TMED10: variants seen among roughly 807,000 people sequenced by gnomAD.
TMED10 encodes transmembrane emp24 domain-containing protein 10.
A neutral mutation model predicts 23.1 loss-of-function variants in TMED10; 7 were observed. That is an observed-to-expected ratio of 0.30 (90% CI 0.17 to 0.57). TMED10 has a LOEUF of 0.57. Among genes scored for constraint, TMED10 ranks in the 20% least tolerant of loss-of-function variants. TMED10 has a pLI of 0.91. For synonymous variants in TMED10, 113 were observed against 106.9 expected (o/e 1.06, Z -0.35); for missense variants, 162 against 274.8 (o/e 0.59, Z 2.90).
intron 3 of TMED10, chr14:75,137,073 T>C (rs2139830627): frequency 6.6e-6 from 1 of 150,838 alleles, no homozygotes; most frequent in East Asian, 2.0e-4. Context: ...TGCAGTGGTG[T>C]GGTTTTGGCT....
At chr14:75,137,160 G>A (rs895268705) in intron 3 of TMED10, among the ~76,000 whole-genome samples, 8 of 151,338 alleles carry the variant, frequency 5.3e-5, no homozygotes, top group African/African-American at 1.5e-4. Context: ...ACAGGCGTGC[G>A]CCACCACACC....
chr14:75,174,195 G>C (rs887891657), intron 1 of TMED10, among the ~76,000 whole-genome samples: 2 of 152,088 alleles, frequency 1.3e-5, no homozygotes, highest in African/African-American at 4.8e-5. Context: ...CCTACCCTGA[G>C]GATACTAACA....
chr14:75,154,395 C>G (rs1396117788), intron 1 of TMED10, among the ~76,000 whole-genome samples: 4 of 25,432 alleles, frequency 1.6e-4, no homozygotes, highest in African/African-American at 4.2e-4. Context: ...CAGCGAGACT[C>G]TGTCTCAAAA....
rs1186754979 is a variant in TMED10, at chr14:75,134,174, T to C, written c.*711A>G. ...TGTGACAGAACTGTTCTGTCTCTTG[T>C]GATGGTGGTCACATGAATCTACACA... On this transcript the variant is annotated 3_prime_UTR_variant, in exon 5 of 5. Coordinates refer to ENST00000303575, the MANE Select transcript of TMED10 (RefSeq NM_006827.6). The C allele has an allele frequency of 1.3e-5, 2 of 153,730 alleles. No individual in the cohort carries two copies. The highest frequency in any genetic ancestry group is 4.9e-5 in the African/African-American group (2 of 40,856). The allele number at this position is 153,730 out of a possible 1,614,324, so 9.5% of individuals were successfully genotyped here.
intron 3 of TMED10, among the ~76,000 whole-genome samples, chr14:75,144,371 A>T (rs368083631): frequency 6.6e-6 from 1 of 152,208 alleles, no homozygotes; most frequent in South Asian, 2.1e-4. Flanking sequence ...AAGAAATCAA[A>T]ATCAAAAGTG....
At chr14:75,166,792 C>A (rs1169169123) in intron 1 of TMED10, among the ~76,000 whole-genome samples, 1 of 152,156 alleles carries the variant, frequency 6.6e-6, no homozygotes, top group Non-Finnish European at 1.5e-5. Flanking sequence ...CTGTTTCTAA[C>A]CCAGTGAACA....
intron 1 of TMED10, among the ~76,000 whole-genome samples, chr14:75,174,520 C>A (rs1896274983): frequency 6.6e-6 from 1 of 152,090 alleles, no homozygotes; most frequent in Non-Finnish European, 1.5e-5. Context: ...TGATCTCCCA[C>A]CCCGGAAACA....
intron 2 of TMED10, among the ~76,000 whole-genome samples, chr14:75,149,639 TTCCAATA>T: frequency 6.6e-6 from 1 of 152,164 alleles, no homozygotes; most frequent in Admixed American, 6.5e-5. Context: ...GTTCAGACAA[TTCCAATA>T]TGGAGCAAAG....
chr14:75,174,610 A>T (rs1217051136), intron 1 of TMED10, among the ~76,000 whole-genome samples: 2 of 152,186 alleles, frequency 1.3e-5, no homozygotes, highest in Non-Finnish European at 2.9e-5. Flanking sequence ...TAATAAAATG[A>T]TGGGTCACAG....
chr14:75,154,070 C>CT (rs1895989389), intron 1 of TMED10, among the ~76,000 whole-genome samples: 1 of 150,288 alleles, frequency 6.7e-6, no homozygotes, highest in African/African-American at 2.4e-5. Context: ...CACACCCGGC[C>CT]TTTTTTGAAA....
Position 75,173,508 on chromosome 14 carries a change from C to A in TMED10, c.225+2847G>T, listed in dbSNP as rs746351181. On this transcript the variant is annotated intron_variant, in intron 1 of 4. Transcript: ENST00000303575. ...ATTGGTCACCCCTAATTAACAGTTT[C>A]TACTACGTCCAATTATTCTCCCATT... 3.3e-5 allele frequency among the ~76,000 whole-genome samples: 5 copies of A among 152,124 alleles called. 1 individual carries two copies. The highest frequency in any genetic ancestry group is 7.3e-5 in the Non-Finnish European group (5 of 68,030).
chr14:75,164,577 A>G (rs12883144), intron 1 of TMED10, among the ~76,000 whole-genome samples: 1 of 45,134 alleles, frequency 2.2e-5, no homozygotes, highest in Non-Finnish European at 3.5e-5. Flanking sequence ...ATATATATAT[A>G]TTTTTTTTTT....
intron 3 of TMED10, among the ~76,000 whole-genome samples, chr14:75,140,906 G>GA (rs1038863006): frequency 3.3e-5 from 5 of 150,104 alleles, no homozygotes; most frequent in East Asian, 1.9e-4. Context: ...TAATAATAAA[G>GA]AAAAAAAAAC....
chr14:75,164,577 A>ATTTTTTTTT (rs60845992), intron 1 of TMED10, among the ~76,000 whole-genome samples: 41 of 45,052 alleles, frequency 9.1e-4, no homozygotes, highest in Non-Finnish European at 1.2e-3. Context: ...ATATATATAT[A>ATTTTTTTTT]TTTTTTTTTT....
In TMED10 at chr14:75,171,281, AT is replaced by A. The variant is rs377453522; in HGVS notation, c.225+5073del. 7.2e-3 allele frequency among the ~76,000 whole-genome samples: 1,016 copies of A among 141,798 alleles called. 8 individuals are homozygous for A. The highest frequency in any genetic ancestry group is 0.018 in the African/African-American group (719 of 38,996). The allele number at this position is 141,798 out of a possible 152,430, so 93.0% of individuals were successfully genotyped here. A position where few individuals can be genotyped will look rare whatever the true frequency, so the allele number is the denominator to read the frequency against. ...TAAAGATACTATGCTACTGGCTTTA[AT>A]TTTTTTTTTTTTTTTGAGACAAAGT... On this transcript the variant is annotated intron_variant, in intron 1 of 4. Transcript: ENST00000303575.
intron 1 of TMED10, among the ~76,000 whole-genome samples, chr14:75,164,556 T>C (rs1566675158): frequency 3.0e-4 from 1 of 3,318 alleles, no homozygotes; most frequent in Non-Finnish European, 1.2e-3. Context: ...TATATATATA[T>C]ATATATATAT....
At chr14:75,137,905 C>T in intron 3 of TMED10, among the ~76,000 whole-genome samples, 1 of 151,966 alleles carries the variant, frequency 6.6e-6, no homozygotes, top group East Asian at 1.9e-4. Flanking sequence ...GATGAGATTT[C>T]ACCACGTTGG....
Position 75,134,999 on chromosome 14 carries a change from T to G in TMED10, c.546A>C (p.Thr182=). 6.2e-7 allele frequency: 1 copy of G among 1,613,882 alleles called. No homozygotes were observed. Among genetic ancestry groups the G allele is most frequent in the Non-Finnish European group, 8.5e-7 (1 of 1,179,910 alleles). ...TGCTGAAGTATAGGACCCGAGTGTT[T>G]GTTGACTCTAAAAAAAAACAAAAGC... ...EEEMRDTNES[T]NTRVLYFSIF... is the part of the protein sequence containing the mutation. Residue 182 remains threonine, a synonymous_variant, in exon 5 of 5, where the codon ACA becomes ACC. Transcript: ENST00000303575.
intron 1 of TMED10, among the ~76,000 whole-genome samples, chr14:75,161,194 G>A (rs188450582): frequency 1.5e-3 from 234 of 152,310 alleles, no homozygotes; most frequent in African/African-American, 5.3e-3. Flanking sequence ...TTCTTGGACC[G>A]TGCTAGGCAG....
Sources: gnomAD v4.1 joint callset for allele counts (sites outside exome capture counted in the v4.1 genomes callset) on GRCh38, gnomAD v4.1.1 for gene constraint, MANE v1.5 for transcripts, NCBI Gene and HGNC (gene_info 2026-07-23, HGNC 2026-07-21) for gene names.